GPHN: variants seen among roughly 807,000 people sequenced by gnomAD.
The protein encoded by GPHN is gephyrin.
In GPHN, 17 loss-of-function variants were observed where a neutral mutation model predicts 95.5. The observed-to-expected ratio is 0.18, with a 90% CI of 0.12 to 0.27. The LOEUF (loss-of-function observed/expected upper bound fraction) is 0.27, where lower values mean the gene tolerates loss of function less well. Among genes scored for constraint, GPHN ranks in the 10% least tolerant of loss-of-function variants. The pLI is 1.00. For missense variants in GPHN, 660 were observed against 978.1 expected (o/e 0.67, Z 4.34); for synonymous variants, 320 against 322.5 (o/e 0.99, Z 0.08).
At chr14:67,099,255 A>G (rs2077561771) in intron 12 of GPHN, among the ~76,000 whole-genome samples, 1 of 152,024 alleles carries the variant, frequency 6.6e-6, no homozygotes, top group Non-Finnish European at 1.5e-5. Context: ...GATTACAGGC[A>G]TGTGCCACCA....
chr14:67,692,947 C>A, the GPHN span: 1 of 1,612,616 alleles, frequency 6.2e-7, no homozygotes. Flanking sequence ...TCTGAGCCAG[C>A]TCTTTGGCTG....
At chr14:67,604,342 A>C in the GPHN span, among the ~76,000 whole-genome samples, 11 of 152,206 alleles carry the variant, frequency 7.2e-5, no homozygotes, top group Admixed American at 2.0e-4. Context: ...CATAAAGTCC[A>C]ATTTATCAAT....
the GPHN span, among the ~76,000 whole-genome samples, chr14:67,395,779 C>A: frequency 6.6e-6 from 1 of 152,214 alleles, no homozygotes; most frequent in Non-Finnish European, 1.5e-5. Context: ...CCTCACACTG[C>A]AGCCTTTCCC....
At chr14:67,032,533 T>C (rs1345785332) in intron 10 of GPHN, among the ~76,000 whole-genome samples, 1 of 152,104 alleles carries the variant, frequency 6.6e-6, no homozygotes, top group Non-Finnish European at 1.5e-5. Flanking sequence ...GCTGGTGTAC[T>C]TTGGATGTCT....
chr14:67,040,896 A>G (rs1378898000), intron 10 of GPHN, among the ~76,000 whole-genome samples: 2 of 152,150 alleles, frequency 1.3e-5, no homozygotes, highest in East Asian at 3.8e-4. Context: ...TGTCTGCGAG[A>G]TTTCTCCACT....
the GPHN span, among the ~76,000 whole-genome samples, chr14:67,698,573 G>C: frequency 6.6e-6 from 1 of 152,164 alleles, no homozygotes; most frequent in Admixed American, 6.5e-5. Flanking sequence ...GTATCAGACA[G>C]GGTTCAATCA....
intron 2 of GPHN, among the ~76,000 whole-genome samples, chr14:66,746,698 A>C (rs1276990771): frequency 2.0e-5 from 3 of 152,040 alleles, no homozygotes; most frequent in Non-Finnish European, 4.4e-5. Flanking sequence ...TCAAAAAAGA[A>C]ATTGTTTCTT....
At chr14:67,114,731 T>G (rs2078575946) in intron 16 of GPHN, among the ~76,000 whole-genome samples, 1 of 152,154 alleles carries the variant, frequency 6.6e-6, no homozygotes, top group Non-Finnish European at 1.5e-5. Flanking sequence ...ATAATAACTA[T>G]TTAGTTAATA....
chr14:67,601,360 G>T, the GPHN span, among the ~76,000 whole-genome samples: 1 of 152,182 alleles, frequency 6.6e-6, no homozygotes, highest in Non-Finnish European at 1.5e-5. Context: ...TGGGGAGGCA[G>T]GTAGGGGTCA....
intron 10 of GPHN, among the ~76,000 whole-genome samples, chr14:67,030,703 A>C (rs1251754426): frequency 6.6e-6 from 1 of 152,132 alleles, no homozygotes; most frequent in Non-Finnish European, 1.5e-5. Context: ...TTATTGCAAG[A>C]GTATTTACAG....
the GPHN span, among the ~76,000 whole-genome samples, chr14:67,484,802 C>G: frequency 6.6e-6 from 1 of 152,144 alleles, no homozygotes; most frequent in Non-Finnish European, 1.5e-5. Flanking sequence ...TCTGAACTAA[C>G]AGCGATTACC....
chr14:67,656,485 G>C, the GPHN span: 1 of 1,613,754 alleles, frequency 6.2e-7, no homozygotes, highest in Non-Finnish European at 8.5e-7. Context: ...AGCCAATCTG[G>C]TCAGTCTCTG....
the GPHN span, among the ~76,000 whole-genome samples, chr14:67,537,519 G>C: frequency 5.3e-3 from 808 of 151,782 alleles, 22 homozygotes; most frequent in African/African-American, 0.018. Flanking sequence ...ACAAAAATTA[G>C]CCAAGCACAG....
At chr14:67,335,294 T>A in the GPHN span, 2 of 152,204 alleles carry the variant, frequency 1.3e-5, no homozygotes, top group African/African-American at 4.8e-5. Flanking sequence ...CAAAAGAATA[T>A]GGAAAAAAGC....
intron 2 of GPHN, among the ~76,000 whole-genome samples, chr14:66,705,518 A>G (rs2153418003): frequency 6.6e-6 from 1 of 152,330 alleles, no homozygotes; most frequent in South Asian, 2.1e-4. Context: ...AACATACCCA[A>G]ATCAATGAAT....
chr14:67,277,186 A>C, the GPHN span, among the ~76,000 whole-genome samples: 1 of 152,224 alleles, frequency 6.6e-6, no homozygotes, highest in Non-Finnish European at 1.5e-5. Flanking sequence ...ACAAAAATCA[A>C]ATAGCTGTCA....
chr14:66,841,912 A>G (rs998675897), intron 4 of GPHN, among the ~76,000 whole-genome samples: 1 of 151,854 alleles, frequency 6.6e-6, no homozygotes, highest in Non-Finnish European at 1.5e-5. Context: ...AAAAAGCCAG[A>G]CCTGGTGGTG....
At chr14:67,559,780 G>T in the GPHN span, 2 of 821,634 alleles carry the variant, frequency 2.4e-6, no homozygotes, top group South Asian at 2.9e-5. Context: ...ACTGTCTAGG[G>T]TGCCTCGGCT....
the GPHN span, chr14:67,562,284 C>T: frequency 6.2e-7 from 1 of 1,613,850 alleles, no homozygotes; most frequent in Non-Finnish European, 8.5e-7. Flanking sequence ...GTGCTTGCAC[C>T]TTCCCCAGGT....
Sources: allele counts gnomAD v4.1 joint callset (sites outside exome capture counted in the v4.1 genomes callset), GRCh38; gene constraint gnomAD v4.1.1; transcripts MANE v1.5; gene names NCBI Gene and HGNC (gene_info 2026-07-23, HGNC 2026-07-21).